Variants in DVL1 observed in about 807,000 individuals in gnomAD.
The protein encoded by DVL1 is segment polarity protein dishevelled homolog DVL-1.
Under a neutral mutation model 65.0 loss-of-function variants are expected in DVL1, and 49 were observed. The ratio of observed to expected loss-of-function variants is 0.75; its 90% CI spans 0.60 to 0.96. DVL1 has a LOEUF of 0.96. Among genes scored for constraint, DVL1 ranks in the 40% least tolerant of loss-of-function variants. The pLI is 0.00. For missense variants in DVL1, 1,197 were observed against 1,045.4 expected (o/e 1.15, Z -2.00); for synonymous variants, 608 against 433.9 (o/e 1.40, Z -4.99).
Position 1,341,814 on chromosome 1 carries a change from G to A in DVL1, c.467-9C>T, listed in dbSNP as rs770206720. 9 of 1,569,152 alleles carry A rather than the reference G, an allele frequency of 5.7e-6. No individual in the cohort carries two copies. The East Asian group carries it at 2.1e-4, about 36-fold the overall frequency. On this transcript the variant is annotated splice_polypyrimidine_tract_variant and intron_variant, in intron 4 of 14. Coordinates refer to ENST00000378888, the MANE Select transcript of DVL1 (RefSeq NM_001330311.2). ...CCCATTGGTCCGGGCGGCTGTGGGG[G>A]CAGCAGGTTGGGAACTGACTGCAGG...
At chr1:1,338,738 G>A (rs1643679010) in intron 11 of DVL1, 85 bp from the exon 12 acceptor site, 3 of 1,517,954 alleles carry the variant, frequency 2.0e-6, no homozygotes, top group East Asian at 2.3e-5. Context: ...GAGCCTCTGG[G>A]CAGAGCCTGC....
In DVL1 at chr1:1,340,157, T is replaced by G; in HGVS notation, c.790A>C (p.Ile264Leu). The G allele has an allele frequency of 6.2e-7, 1 of 1,613,632 alleles. No homozygotes were observed. The highest frequency in any genetic ancestry group is 1.1e-5 in the South Asian group (1 of 91,074). Residue 264 changes from isoleucine to leucine, a missense_variant, in exon 8 of 15, where the codon ATC becomes CTC. Physicochemically the swap from Ile to Leu is conservative, Grantham distance 5. Coordinates refer to ENST00000378888, the MANE Select transcript of DVL1 (RefSeq NM_001330311.2). ...LNMERHHFLG[I>L]SIVGQSNDRG... Reference sequence around the variant, plus strand: ...TCGTTGCTCTGCCCCACGATGCTGATGCCCAGAAAGTGATGTCTTTCTGCA... The same window carrying G: ...TCGTTGCTCTGCCCCACGATGCTGAGGCCCAGAAAGTGATGTCTTTCTGCA...
chr1:1,338,043 G>A lies in DVL1; in HGVS notation c.1648C>T (p.Pro550Ser). ...YQYPGPPPCF[P>S]PAYQDPGFSY... ...AAGCCCGGGTCCTGGTAGGCAGGCG[G>A]GAAGCAGGGTGGGGGTCCCGGGTAC... Residue 550 changes from proline to serine, a missense_variant, in exon 14 of 15, where the codon CCG (proline) becomes TCG (serine). By Grantham distance (74) the Pro-to-Ser change is moderately conservative. Coordinates refer to ENST00000378888, the MANE Select transcript of DVL1 (RefSeq NM_001330311.2). The A allele has an allele frequency of 6.2e-7, 1 of 1,611,714 alleles. No individual in the cohort carries two copies. The highest frequency in any genetic ancestry group is 8.5e-7 in the Non-Finnish European group (1 of 1,179,586).
chr1:1,339,504 G>C (rs778855088), intron 10 of DVL1, 65 bp from the exon 11 acceptor site: 2 of 1,547,700 alleles, frequency 1.3e-6, no homozygotes, highest in Non-Finnish European at 8.7e-7. Context: ...CAGGGTGCAG[G>C]GCACAGAGGA....
chr1:1,339,702 T>G, intron 9 of DVL1, 34 bp downstream of exon 9: 1 of 1,612,708 alleles, frequency 6.2e-7, no homozygotes, highest in Non-Finnish European at 8.5e-7. Context: ...CCTCCCTGCC[T>G]GGCCCCTCCC....
chr1:1,341,540 GCACACACATGCA>G (rs1346591042), intron 5 of DVL1, 115 bp downstream of exon 5: 4 of 1,219,954 alleles, frequency 3.3e-6, no homozygotes, highest in Non-Finnish European at 3.3e-6. Context: ...ACATTTGCAG[GCACACACATGCA>G]CACACACGCA....
chr1:1,337,783 ACCC>A (rs1643628197), intron 14 of DVL1, 191 bp downstream of exon 14: 1 of 707,466 alleles, frequency 1.4e-6, no homozygotes, highest in Non-Finnish European at 2.6e-6. Context: ...GAAGGAGCCC[ACCC>A]AGGGCCCAAG....
intron 1 of DVL1, among the ~76,000 whole-genome samples, chr1:1,343,326 G>C (rs533732365): frequency 1.3e-5 from 2 of 150,584 alleles, no homozygotes; most frequent in Non-Finnish European, 3.0e-5. Flanking sequence ...CTCAGCAGCA[G>C]CAGCTGCACC....
rs141420415 is a variant in DVL1 at position 1,338,583 on chromosome 1, G to A, written c.1278C>T (p.Asp426=). Residue 426 remains aspartate (D), a synonymous_variant, in exon 12 of 15, where the codon GAC becomes GAT. Transcript: ENST00000378888. ...SAVVRVMQLP[D]SGLEIRDRMW... is the part of the protein sequence containing the mutation. The stretch of plus-strand genomic sequence containing the variant: ...TGCGGTCGCGGATCTCCAGTCCCGA[G>A]TCTGGCAGCTGCATGACCCGGACGA... 2.8e-5 allele frequency: 45 copies of A among 1,612,382 alleles called. No individual in the cohort carries two copies. Among genetic ancestry groups the A allele is most frequent in the Non-Finnish European group, 3.7e-5 (44 of 1,179,882 alleles).
chr1:1,348,358 G>A (rs1482933179), intron 1 of DVL1, among the ~76,000 whole-genome samples: 2 of 152,348 alleles, frequency 1.3e-5, no homozygotes, highest in East Asian at 1.9e-4. Context: ...GACACGGGTA[G>A]GCGAATAAAG....
chr1:1,339,582 C>T lies in DVL1; in HGVS notation c.1054G>A (p.Ala352Thr). The part of the protein sequence containing the change: ...TPRSYFTVPR[A>T]DPVRPIDPAA... ...CCCGTGTGCCCCGAGGGCCACTCAC[C>T]CCGTGGGACGGTGAAGTAGCTTCGG... Residue 352 changes from alanine to threonine, a missense_variant and splice_region_variant, in exon 10 of 15, where the codon GCT (alanine) becomes ACT (threonine). Coordinates refer to ENST00000378888, the MANE Select transcript of DVL1 (RefSeq NM_001330311.2). The T allele has an allele frequency of 4.4e-6, 7 of 1,605,956 alleles. No individual in the cohort carries two copies. The highest frequency in any genetic ancestry group is 2.2e-5 in the East Asian group (1 of 44,594).
At position 1,345,771 on chromosome 1, in the gene DVL1, G is replaced by A. The variant is rs567720183; in HGVS notation, c.171-3013C>T. Among the ~76,000 whole-genome samples, 23 of 152,338 alleles carry A rather than the reference G, an allele frequency of 1.5e-4. No homozygotes were observed. In the South Asian group the frequency reaches 2.3e-3, roughly 15 times the overall value. On this transcript the variant is annotated intron_variant, in intron 1 of 14. Transcript: ENST00000378888. ...CGAATGCACCCCATTCTCCCAAGGC[G>A]GAGCAGGAAGCTGGCAGGGGTAGCT...
At chr1:1,337,771 C>T (rs1643627553) in intron 14 of DVL1, 1 of 704,226 alleles carries the variant, frequency 1.4e-6, no homozygotes, top group East Asian at 2.7e-5. Context: ...TTGCCTTTTC[C>T]AGAAGGAGCC....
In DVL1 at chr1:1,336,471, C is replaced by T. The variant is rs753401275; in HGVS notation, c.1759G>A (p.Gly587Ser). 8 of 1,554,524 alleles carry T rather than the reference C, an allele frequency of 5.1e-6. No homozygotes were observed. In the African/African-American group the frequency reaches 6.9e-5, roughly 13 times the overall value. ...GSTRSSRRAP[G>S]REKERRAAGA... ...GCCGCCCGACGCTCCTTCTCACGGCCCGGGGCCCGGCGGCTGCTCCGGGTG... is the reference window on the plus strand; with the variant it reads ...GCCGCCCGACGCTCCTTCTCACGGCTCGGGGCCCGGCGGCTGCTCCGGGTG... The change falls in exon 15 of 15, where the codon GGC (glycine) becomes AGC (serine). Residue 587 changes from glycine (G) to serine (S), a missense_variant. By Grantham distance (56) the Gly-to-Ser change is moderately conservative. Transcript: ENST00000378888.
Position 1,342,081 on chromosome 1 carries a change from C to T in DVL1, c.438G>A (p.Glu146=). 6.3e-7 allele frequency: 1 copy of T among 1,586,532 alleles called. No individual in the cohort carries two copies. The highest frequency in any genetic ancestry group is 8.6e-7 in the Non-Finnish European group (1 of 1,167,022). Residue 146 remains glutamate (E), a synonymous_variant, in exon 4 of 15, where the codon GAG becomes GAA. Coordinates refer to ENST00000378888, the MANE Select transcript of DVL1 (RefSeq NM_001330311.2). ...GTESMVSHRR[E]RARRRNREEA... ...CCTCGCGGTTCCGGCGTCGGGCACG[C>T]TCCCGCCGGTGACTGACCATGGACT...
chr1:1,339,677 G>A, intron 9 of DVL1, 28 bp from the exon 10 acceptor site: 2 of 1,612,254 alleles, frequency 1.2e-6, no homozygotes, highest in Non-Finnish European at 1.7e-6. Flanking sequence ...ACACAGCAAG[G>A]CCCCCATGGT....
In DVL1 at chr1:1,336,075, G is replaced by C; in HGVS notation, c.*67C>G. Reference sequence around the variant, plus strand: ...CTGGCCCCCACGAAGGCAAGCCCACGCGAGCTCTGCATGCGGCAGGACCGC... The same window carrying C: ...CTGGCCCCCACGAAGGCAAGCCCACCCGAGCTCTGCATGCGGCAGGACCGC... On this transcript the variant is annotated 3_prime_UTR_variant, in exon 15 of 15. Transcript: ENST00000378888. 1 of 1,530,304 alleles carries C rather than the reference G, an allele frequency of 6.5e-7. No individual in the cohort carries two copies. The highest frequency in any genetic ancestry group is 1.2e-5 in the South Asian group (1 of 83,340). 94.8% of individuals were successfully genotyped at this position (1,530,304 alleles called of 1,614,324 possible).
In DVL1 at chr1:1,335,701, G is replaced by A. The variant is rs143590035; in HGVS notation, c.*441C>T. On this transcript the variant is annotated 3_prime_UTR_variant, in exon 15 of 15. Transcript: ENST00000378888. The stretch of plus-strand genomic sequence containing the variant: ...AGCAGGTGGGACAGATGACAGGGTC[G>A]CCTCCTCCCCCGAGTCACCGGCCAG... The A allele has an allele frequency of 3.6e-3, 606 of 170,696 alleles. 4 individuals carry two copies. Among genetic ancestry groups the A allele is most frequent in the Non-Finnish European group, 5.0e-3 (394 of 79,204 alleles). The allele number at this position is 170,696 out of a possible 1,614,324, so 10.6% of individuals were successfully genotyped here.
At position 1,340,422 on chromosome 1, in the gene DVL1, C is replaced by G. The variant is rs1393051910; in HGVS notation, c.687G>C (p.Arg229=). ...CCCGGCTGCCTACCCGGTCCGCCTG[C>G]CGAAGGCGCTGCTTCCTCCGCCGGC... ...HKRRRRKQRL[R]QADRASSFSS... Residue 229 remains arginine, a synonymous_variant, in exon 6 of 15, where the codon CGG becomes CGC. Coordinates refer to ENST00000378888, the MANE Select transcript of DVL1 (RefSeq NM_001330311.2). 1 of 1,612,488 alleles carries G rather than the reference C, an allele frequency of 6.2e-7. No homozygotes were observed. The highest frequency in any genetic ancestry group is 1.7e-5 in the Admixed American group (1 of 59,760).
Sources: gnomAD v4.1 joint callset for allele counts (sites outside exome capture counted in the v4.1 genomes callset) on GRCh38, gnomAD v4.1.1 for gene constraint, MANE v1.5 for transcripts, NCBI Gene and HGNC (gene_info 2026-07-23, HGNC 2026-07-21) for gene names.